Variants in DAB1 observed in about 807,000 individuals in gnomAD.
The protein encoded by DAB1 is disabled homolog 1.
A neutral mutation model predicts 64.6 loss-of-function variants in DAB1; 15 were observed. The observed-to-expected ratio is 0.23, with a 90% confidence interval of 0.16 to 0.36. The LOEUF (loss-of-function observed/expected upper bound fraction) is 0.36, where lower values mean the gene tolerates loss of function less well. Among genes scored for constraint, DAB1 ranks in the 10% least tolerant of loss-of-function variants. DAB1 has a pLI of 1.00. For synonymous variants in DAB1, 235 were observed against 251.9 expected (o/e 0.93, Z 0.64); for missense variants, 596 against 706.7 (o/e 0.84, Z 1.78).
chr1:58,256,937 T>C (rs1298845299), intron 4 of DAB1, among the ~76,000 whole-genome samples: 1 of 152,256 alleles, frequency 6.6e-6, no homozygotes, highest in Admixed American at 6.5e-5. Context: ...TTGCGCCATC[T>C]CTTGAGTTGT....
intron 5 of DAB1, among the ~76,000 whole-genome samples, chr1:58,142,883 A>C (rs1358941798): frequency 1.3e-5 from 2 of 152,196 alleles, no homozygotes; most frequent in African/African-American, 4.8e-5. Context: ...TATAAGAATC[A>C]GTTGCCTGAA....
chr1:57,186,348 C>T (rs184751415), intron 2 of DAB1, among the ~76,000 whole-genome samples: 1 of 152,286 alleles, frequency 6.6e-6, no homozygotes, highest in Admixed American at 6.5e-5. Context: ...CAAGCACCAT[C>T]CCCAATCGAT....
At chr1:57,692,981 T>C (rs1458985398) in intron 6 of DAB1, among the ~76,000 whole-genome samples, 1 of 152,170 alleles carries the variant, frequency 6.6e-6, no homozygotes, top group Admixed American at 6.6e-5. Flanking sequence ...ATAACAGCCA[T>C]CTTGCTATTA....
In DAB1 at chr1:58,508,565, A is replaced by G. The variant is rs576227015; in HGVS notation, n.108-2356T>C. Among the ~76,000 whole-genome samples, 5 of 152,276 alleles carry G rather than the reference A, an allele frequency of 3.3e-5. No homozygotes were observed. In the South Asian group the frequency reaches 8.3e-4, roughly 25 times the overall value. Reference sequence around the variant, plus strand: ...ACCCCCAATACAGCACCATATGATCATAAGAACACCTGCAGCTCCCCACCA... The same window carrying G: ...ACCCCCAATACAGCACCATATGATCGTAAGAACACCTGCAGCTCCCCACCA... On this transcript the variant is annotated intron_variant and non_coding_transcript_variant, in intron 2 of 20. Transcript: ENST00000485760.
chr1:57,365,207 T>C (rs1174485112), intron 1 of DAB1, among the ~76,000 whole-genome samples: 1 of 142,402 alleles, frequency 7.0e-6, no homozygotes, highest in Non-Finnish European at 1.5e-5. Context: ...TATAAATATA[T>C]AAATATATAT....
chr1:58,335,099 C>G (rs1362549872), intron 4 of DAB1, among the ~76,000 whole-genome samples: 1 of 152,102 alleles, frequency 6.6e-6, no homozygotes, highest in Non-Finnish European at 1.5e-5. Context: ...CAAATGAAAT[C>G]ATATACGATC....
intron 2 of DAB1, among the ~76,000 whole-genome samples, chr1:57,184,892 C>T (rs1663368111): frequency 6.6e-6 from 1 of 152,144 alleles, no homozygotes; most frequent in South Asian, 2.1e-4. Flanking sequence ...CACTGAACTC[C>T]AGGAGTGTAG....
chr1:58,048,651 T>C, intron 5 of DAB1: 10 of 1,262,606 alleles, frequency 7.9e-6, no homozygotes, highest in Non-Finnish European at 1.1e-5. Context: ...CAACCAAAGT[T>C]GTCATTCCCA....
At chr1:58,469,110 A>T (rs1414542366) in intron 3 of DAB1, 1 of 171,174 alleles carries the variant, frequency 5.8e-6, no homozygotes, top group African/African-American at 2.4e-5. Flanking sequence ...GCCAGCAGTC[A>T]CAGCAAACCA....
rs185510658 is a variant in DAB1 at position 57,212,783 on chromosome 1, C to G, written c.68-67354G>C. Among the ~76,000 whole-genome samples the G allele has an allele frequency of 1.5e-3, 222 of 152,206 alleles. 1 individual carries two copies. The highest frequency in any genetic ancestry group is 2.4e-3 in the Non-Finnish European group (164 of 68,018). On this transcript the variant is annotated intron_variant, in intron 2 of 14. Coordinates refer to ENST00000371236, the MANE Select transcript of DAB1 (RefSeq NM_001365792.1). ...GTTACCTCATTTTAAACCAAGGGAA[C>G]CCAGCATTCAAATAGGTGCCCTGTC...
chr1:57,839,194 C>T (rs976409578), intron 1 of DAB1, among the ~76,000 whole-genome samples: 7 of 152,176 alleles, frequency 4.6e-5, no homozygotes, highest in South Asian at 2.1e-4. Flanking sequence ...GAAAATGAAT[C>T]GGTTAAAAAA....
At chr1:58,153,127 A>T (rs1182476932) in intron 4 of DAB1, among the ~76,000 whole-genome samples, 1 of 152,236 alleles carries the variant, frequency 6.6e-6, no homozygotes, top group African/African-American at 2.4e-5. Flanking sequence ...TATCTTTGTC[A>T]AACCCTACCT....
intron 6 of DAB1, among the ~76,000 whole-genome samples, chr1:57,740,046 C>CAAAAAAAAAAAAAAAAAAAA (rs34382329): frequency 9.7e-6 from 1 of 103,142 alleles, no homozygotes; most frequent in Non-Finnish European, 1.9e-5. Context: ...ACTACTACTA[C>CAAAAAAAAAAAAAAAAAAAA]AAAAAAAAAA....
chr1:57,874,928 C>T (rs961893363), intron 1 of DAB1: 6 of 152,176 alleles, frequency 3.9e-5, no homozygotes, highest in African/African-American at 1.4e-4. Flanking sequence ...GGATTTGTAG[C>T]AAGCAGGATA....
intron 1 of DAB1, among the ~76,000 whole-genome samples, chr1:57,383,586 C>G (rs1287033573): frequency 6.6e-6 from 1 of 152,140 alleles, no homozygotes; most frequent in African/African-American, 2.4e-5. Flanking sequence ...TAGAAGAGAA[C>G]AGAAAGCCAA....
At chr1:57,297,345 T>C (rs540120655) in intron 1 of DAB1, among the ~76,000 whole-genome samples, 1 of 152,278 alleles carries the variant, frequency 6.6e-6, no homozygotes, top group South Asian at 2.1e-4. Flanking sequence ...ATTGCATTAA[T>C]GGTAAATTTA....
At chr1:58,161,370 G>A (rs1655527308) in intron 4 of DAB1, among the ~76,000 whole-genome samples, 1 of 152,144 alleles carries the variant, frequency 6.6e-6, no homozygotes, top group Non-Finnish European at 1.5e-5. Flanking sequence ...ACTTGGGAAT[G>A]CCTTAAGATG....
rs534879971 is a variant in DAB1, at chr1:57,136,268, C to A, written c.306+275G>T. Among the ~76,000 whole-genome samples, 6 of 152,262 alleles carry A rather than the reference C, an allele frequency of 3.9e-5. No individual in the cohort carries two copies. In the South Asian group the frequency reaches 1.0e-3, roughly 26 times the overall value. On this transcript the variant is annotated intron_variant, in intron 4 of 14. Transcript: ENST00000371236. ...AAATTTAACTTAAACTGTCACATTA[C>A]CCATTGATCTTCAAAGCTCATCAAT...
Position 57,313,938 on chromosome 1 carries a change from T to C in DAB1, c.-136-22772A>G, listed in dbSNP as rs181062823. Among the ~76,000 whole-genome samples, 1,218 of 152,270 alleles carry C rather than the reference T, an allele frequency of 8.0e-3. 15 individuals carry two copies. Among genetic ancestry groups the C allele is most frequent in the African/African-American group, 0.027 (1,103 of 41,552 alleles). On this transcript the variant is annotated intron_variant, in intron 1 of 14. Coordinates refer to ENST00000371236, the MANE Select transcript of DAB1 (RefSeq NM_001365792.1). ...AAGGTGCCATCTATGAACCAGGAAG[T>C]GGATTCTCACAGACACTGAATCTGC...
Sources: gnomAD v4.1 joint callset for allele counts (sites outside exome capture counted in the v4.1 genomes callset) on GRCh38, gnomAD v4.1.1 for gene constraint, MANE v1.5 for transcripts, NCBI Gene and HGNC (gene_info 2026-07-23, HGNC 2026-07-21) for gene names.